SUGP1: variants seen among roughly 807,000 people sequenced by gnomAD.
SUGP1 encodes SURP and G-patch domain-containing protein 1.
Under a neutral mutation model 76.5 loss-of-function variants are expected in SUGP1, and 34 were observed. The observed-to-expected ratio is 0.44, with a 90% CI of 0.34 to 0.59. The LOEUF (loss-of-function observed/expected upper bound fraction) is 0.59. Among genes scored for constraint, SUGP1 ranks in the 20% least tolerant of loss-of-function variants. SUGP1 has a pLI of 0.01. For synonymous variants in SUGP1, 326 were observed against 326.2 expected, an observed-to-expected ratio of 1.00 and a Z score of 0.01; for missense variants, 752 against 851.7, an observed-to-expected ratio of 0.88 and a Z score of 1.46.
At chr19:19,287,552 A>G (rs978063691) in intron 8 of SUGP1, among the ~76,000 whole-genome samples, 2 of 152,080 alleles carry the variant, frequency 1.3e-5, no homozygotes, top group African/African-American at 4.8e-5. Context: ...ACACACAAAC[A>G]CTCCAAATCG....
chr19:19,292,723 A>T (rs1292191828), intron 8 of SUGP1, among the ~76,000 whole-genome samples: 1 of 152,150 alleles, frequency 6.6e-6, no homozygotes, highest in African/African-American at 2.4e-5. Flanking sequence ...ATGAATACAG[A>T]TGGAGAAATC....
rs763025736 is a variant in SUGP1, at chr19:19,310,203, A to G, written c.207-3T>C. 1 of 1,611,398 alleles carries G rather than the reference A, an allele frequency of 6.2e-7. No individual in the cohort carries two copies. Among genetic ancestry groups the G allele is most frequent in the South Asian group, 1.1e-5 (1 of 91,030 alleles). ...AAGAGTTGTGTGCATTTGTGATTCT[A>G]GAACCAAGACAGAGGACAGAGAGGG... On this transcript the variant is annotated splice_polypyrimidine_tract_variant and splice_region_variant and intron_variant, in intron 2 of 13. Transcript: ENST00000247001.
chr19:19,292,338 G>T (rs1388049526), intron 8 of SUGP1, among the ~76,000 whole-genome samples: 4 of 151,008 alleles, frequency 2.6e-5, no homozygotes, highest in Non-Finnish European at 5.9e-5. Context: ...ACAAAAGAGA[G>T]AACATTTCTA....
chr19:19,291,849 C>A (rs1217483888), intron 8 of SUGP1, among the ~76,000 whole-genome samples: 1 of 150,126 alleles, frequency 6.7e-6, no homozygotes. Flanking sequence ...GCCGAGATCA[C>A]GCCACTGCAC....
intron 2 of SUGP1, among the ~76,000 whole-genome samples, chr19:19,315,523 G>T (rs2061387563): frequency 1.3e-5 from 2 of 152,136 alleles, no homozygotes; most frequent in Admixed American, 6.5e-5. Context: ...TGTTTCTCAG[G>T]ACAGGCAAGT....
intron 2 of SUGP1, among the ~76,000 whole-genome samples, chr19:19,310,784 C>A (rs544788558): frequency 1.0e-3 from 155 of 152,296 alleles, no homozygotes; most frequent in Non-Finnish European, 1.6e-3. Context: ...GCTGGGATTA[C>A]AAGCATGTGC....
At chr19:19,294,814 A>G (rs968720406) in intron 8 of SUGP1, among the ~76,000 whole-genome samples, 2 of 152,044 alleles carry the variant, frequency 1.3e-5, no homozygotes, top group African/African-American at 4.8e-5. Flanking sequence ...AAAAACTGAT[A>G]CTTTCTGGCC....
chr19:19,276,383 TCCTC>T lies in SUGP1; in HGVS notation c.*261_*264del, dbSNP rs2061049567. On this transcript the variant is annotated 3_prime_UTR_variant, in exon 14 of 14. Transcript: ENST00000247001. Reference sequence around the variant, plus strand: ...TTTACTATGCTGAAAACAACTTTCTTCCTCCCCTCCAGTGCAACCCAGGCTGAGC... The same window carrying T: ...TTTACTATGCTGAAAACAACTTTCTTCCCTCCAGTGCAACCCAGGCTGAGC... 1 of 450,978 alleles carries T rather than the reference TCCTC, an allele frequency of 2.2e-6. No individual in the cohort carries two copies. The highest frequency in any genetic ancestry group is 2.0e-5 in the African/African-American group (1 of 50,266). The allele number at this position is 450,978 out of a possible 1,614,324, so 27.9% of individuals were successfully genotyped here.
chr19:19,293,596 G>A (rs2061202485), intron 8 of SUGP1, among the ~76,000 whole-genome samples: 1 of 151,394 alleles, frequency 6.6e-6, no homozygotes, highest in South Asian at 2.1e-4. Flanking sequence ...AAAAGAACAA[G>A]AAGAAGTGAA....
intron 4 of SUGP1, among the ~76,000 whole-genome samples, chr19:19,304,909 AC>A (rs1341759953): frequency 6.6e-6 from 1 of 152,138 alleles, no homozygotes; most frequent in Non-Finnish European, 1.5e-5. Flanking sequence ...GGGCCCAGCA[AC>A]AATCCTGACC....
chr19:19,313,854 A>AG (rs960934704), intron 2 of SUGP1, among the ~76,000 whole-genome samples: 3 of 152,038 alleles, frequency 2.0e-5, no homozygotes, highest in African/African-American at 7.2e-5. Flanking sequence ...ATACAAAAAA[A>AG]TGGCCGGGCT....
intron 2 of SUGP1, among the ~76,000 whole-genome samples, chr19:19,310,735 C>G (rs1026197129): frequency 4.6e-5 from 7 of 152,292 alleles, no homozygotes; most frequent in African/African-American, 1.7e-4. Context: ...CCTCCTCCAC[C>G]CAGGCTCAAG....
chr19:19,279,535 A>G (rs1260618396), intron 9 of SUGP1, 145 bp from the exon 10 acceptor site: 2 of 859,508 alleles, frequency 2.3e-6, no homozygotes, highest in Non-Finnish European at 3.5e-6. Context: ...CAAGGACTCT[A>G]GCAAGTACTG....
intron 3 of SUGP1, among the ~76,000 whole-genome samples, chr19:19,307,886 A>G (rs2061328469): frequency 6.6e-6 from 1 of 152,164 alleles, no homozygotes; most frequent in Non-Finnish European, 1.5e-5. Context: ...GCTGGTCTCG[A>G]ACTCCTGACT....
intron 1 of SUGP1, among the ~76,000 whole-genome samples, chr19:19,316,942 A>G (rs1376658572): frequency 6.6e-6 from 1 of 152,168 alleles, no homozygotes; most frequent in Non-Finnish European, 1.5e-5. Flanking sequence ...GATCGAGACC[A>G]GCCTGGCCAA....
chr19:19,304,532 A>G (rs1354136124), intron 4 of SUGP1, among the ~76,000 whole-genome samples: 2 of 152,138 alleles, frequency 1.3e-5, no homozygotes, highest in African/African-American at 2.4e-5. Context: ...AGGCTTAATC[A>G]TTATTTCGGG....
intron 7 of SUGP1, 39 bp downstream of exon 7, chr19:19,302,226 C>A (rs777773067): frequency 6.2e-7 from 1 of 1,611,180 alleles, no homozygotes; most frequent in East Asian, 2.2e-5. Context: ...GGGACTGTGG[C>A]CAGGGTGACG....
intron 7 of SUGP1, among the ~76,000 whole-genome samples, chr19:19,299,035 A>G (rs1343583331): frequency 1.3e-5 from 2 of 152,200 alleles, no homozygotes; most frequent in African/African-American, 4.8e-5. Flanking sequence ...GTGCACCACC[A>G]AGGTTCCCCT....
intron 8 of SUGP1, among the ~76,000 whole-genome samples, chr19:19,285,325 A>C (rs946309720): frequency 6.6e-6 from 1 of 151,448 alleles, no homozygotes; most frequent in African/African-American, 2.4e-5. Flanking sequence ...GCCACTACAC[A>C]CAGCTAATTT....
Sources: allele counts gnomAD v4.1 joint callset (sites outside exome capture counted in the v4.1 genomes callset), GRCh38; gene constraint gnomAD v4.1.1; transcripts MANE v1.5; gene names NCBI Gene and HGNC (gene_info 2026-07-23, HGNC 2026-07-21).